The following UBE2E2 variants were observed in gnomAD, a reference collection of about 807,000 sequenced individuals.
The protein encoded by UBE2E2 is ubiquitin-conjugating enzyme E2 E2.
A neutral mutation model predicts 24.7 loss-of-function variants in UBE2E2; 6 were observed. The observed-to-expected ratio is 0.24, with a 90% CI of 0.13 to 0.48. UBE2E2 has a LOEUF of 0.48. UBE2E2 is among the 20% of genes least tolerant of loss of function. The pLI, the probability that UBE2E2 is intolerant of heterozygous loss-of-function variation, is 0.99. For synonymous variants in UBE2E2, 104 were observed against 83.6 expected, an observed-to-expected ratio of 1.24 and a Z score of -1.33; for missense variants, 169 against 245.0, an observed-to-expected ratio of 0.69 and a Z score of 2.07.
chr3:23,530,138 T>C (rs1050968052), intron 4 of UBE2E2, among the ~76,000 whole-genome samples: 2 of 152,230 alleles, frequency 1.3e-5, no homozygotes, highest in African/African-American at 4.8e-5. Flanking sequence ...CTTAATAATG[T>C]CAATTCTTTG....
At chr3:23,417,892 G>A (rs1309789078) in intron 3 of UBE2E2, among the ~76,000 whole-genome samples, 1 of 152,134 alleles carries the variant, frequency 6.6e-6, no homozygotes, top group African/African-American at 2.4e-5. Flanking sequence ...CTCAATAATG[G>A]CGGGTGTCCC....
intron 3 of UBE2E2, among the ~76,000 whole-genome samples, chr3:23,344,052 C>CT (rs1695477188): frequency 1.3e-5 from 2 of 152,098 alleles, no homozygotes; most frequent in Non-Finnish European, 2.9e-5. Flanking sequence ...CAAGTGAACT[C>CT]TCTTTAAATT....
At chr3:23,365,370 A>G (rs1696225967) in intron 3 of UBE2E2, among the ~76,000 whole-genome samples, 1 of 152,224 alleles carries the variant, frequency 6.6e-6, no homozygotes, top group Non-Finnish European at 1.5e-5. Flanking sequence ...AGAAAACCCC[A>G]TAGCCACTGC....
At chr3:23,279,344 T>C (rs1000741447) in intron 3 of UBE2E2, among the ~76,000 whole-genome samples, 2 of 152,124 alleles carry the variant, frequency 1.3e-5, no homozygotes, top group African/African-American at 4.8e-5. Context: ...ACCTAGCTTC[T>C]GGGGAAACTG....
chr3:23,275,415 A>G (rs1005813954), intron 3 of UBE2E2, among the ~76,000 whole-genome samples: 1 of 152,208 alleles, frequency 6.6e-6, no homozygotes, highest in African/African-American at 2.4e-5. Flanking sequence ...CTGAGGTGTT[A>G]CAGTAGATTG....
chr3:23,330,716 G>A (rs1695036050), intron 3 of UBE2E2, among the ~76,000 whole-genome samples: 6 of 152,154 alleles, frequency 3.9e-5, no homozygotes, highest in Admixed American at 2.6e-4. Flanking sequence ...ATTCTAAAAT[G>A]CTCCAGACTT....
rs201198495 is a variant in UBE2E2, at chr3:23,480,644, AAAG to A, written c.228-18959_228-18957del. 1.5e-3 allele frequency among the ~76,000 whole-genome samples: 230 copies of A among 150,060 alleles called. 1 individual carries two copies. Among genetic ancestry groups the A allele is most frequent in the Middle Eastern group, 3.4e-3 (1 of 292 alleles). On this transcript the variant is annotated intron_variant, in intron 3 of 5. Transcript: ENST00000396703. ...CCTTGTCTCAGGAAAAAAAAAAAAA[AAAG>A]AAGAGGATTCAGAGATCCAAGAAAG...
At chr3:23,510,614 AATAAG>A (rs1160993908) in intron 4 of UBE2E2, among the ~76,000 whole-genome samples, 7 of 152,200 alleles carry the variant, frequency 4.6e-5, no homozygotes, top group African/African-American at 7.2e-5. Context: ...CAAAAAAAAA[AATAAG>A]ATAAAATAAA....
At chr3:23,354,859 C>G (rs191639948) in intron 3 of UBE2E2, among the ~76,000 whole-genome samples, 1 of 152,156 alleles carries the variant, frequency 6.6e-6, no homozygotes, top group African/African-American at 2.4e-5. Flanking sequence ...TACCATTTGA[C>G]CCAGCCATCC....
At chr3:23,446,892 T>G (rs990733082) in intron 3 of UBE2E2, among the ~76,000 whole-genome samples, 5 of 151,982 alleles carry the variant, frequency 3.3e-5, no homozygotes, top group Non-Finnish European at 7.4e-5. Flanking sequence ...GTGCTGGCAT[T>G]TCAGGTCCCC....
chr3:23,336,422 C>T (rs1337785613), intron 3 of UBE2E2, among the ~76,000 whole-genome samples: 1 of 152,166 alleles, frequency 6.6e-6, no homozygotes, highest in Non-Finnish European at 1.5e-5. Flanking sequence ...TGGCAAAGTA[C>T]ATTTAAAGGC....
chr3:23,363,832 CA>C (rs1696190022), intron 3 of UBE2E2, among the ~76,000 whole-genome samples: 1 of 151,708 alleles, frequency 6.6e-6, no homozygotes, highest in East Asian at 1.9e-4. Context: ...CCCAAAACAA[CA>C]AGATATACAT....
Position 23,283,551 on chromosome 3 carries a change from G to T in UBE2E2, c.227+66239G>T, listed in dbSNP as rs367822284. ...GTTCGAGCCTGAGCAACGTAGTGAGGCCCTATCTCTACAGAAAATTTTAAA... is the reference window on the plus strand; with the variant it reads ...GTTCGAGCCTGAGCAACGTAGTGAGTCCCTATCTCTACAGAAAATTTTAAA... On this transcript the variant is annotated intron_variant, in intron 3 of 5. Transcript: ENST00000396703. Among the ~76,000 whole-genome samples, 16 of 152,224 alleles carry T rather than the reference G, an allele frequency of 1.1e-4. No homozygotes were observed. In the East Asian group the frequency reaches 2.1e-3, roughly 20 times the overall value.
At chr3:23,464,706 C>A (rs534247546) in intron 3 of UBE2E2, among the ~76,000 whole-genome samples, 1 of 152,102 alleles carries the variant, frequency 6.6e-6, no homozygotes, top group Admixed American at 6.6e-5. Context: ...TGAGAAAATA[C>A]TTCTCTAGTT....
chr3:23,313,646 G>A (rs931343620), intron 3 of UBE2E2, among the ~76,000 whole-genome samples: 2 of 152,038 alleles, frequency 1.3e-5, no homozygotes, highest in African/African-American at 4.8e-5. Flanking sequence ...GCCTCCCAAA[G>A]TGCTGGGATT....
At chr3:23,507,690 C>T (rs1694488505) in intron 4 of UBE2E2, among the ~76,000 whole-genome samples, 1 of 152,142 alleles carries the variant, frequency 6.6e-6, no homozygotes, top group Non-Finnish European at 1.5e-5. Flanking sequence ...TTGCTTATAT[C>T]CCTGGAAGAA....
chr3:23,402,857 T>G (rs1274104719), intron 3 of UBE2E2, among the ~76,000 whole-genome samples: 5 of 152,190 alleles, frequency 3.3e-5, no homozygotes, highest in African/African-American at 1.2e-4. Context: ...GGCTTTGATC[T>G]GATGCCTGTT....
intron 1 of UBE2E2, among the ~76,000 whole-genome samples, chr3:23,204,267 A>G (rs1255857064): frequency 6.6e-6 from 1 of 152,014 alleles, no homozygotes; most frequent in African/African-American, 2.4e-5. Context: ...GACCAACCAG[A>G]AATGTCCAAT....
At chr3:23,262,291 A>G (rs1198535889) in intron 3 of UBE2E2, among the ~76,000 whole-genome samples, 1 of 151,998 alleles carries the variant, frequency 6.6e-6, no homozygotes, top group Non-Finnish European at 1.5e-5. Context: ...CCAATTTTTT[A>G]AATTTTAGAA....
Sources: allele counts gnomAD v4.1 joint callset (sites outside exome capture counted in the v4.1 genomes callset), GRCh38; gene constraint gnomAD v4.1.1; transcripts MANE v1.5; gene names NCBI Gene and HGNC (gene_info 2026-07-23, HGNC 2026-07-21).